The following GPR180 variants were observed in gnomAD, a reference collection of about 807,000 sequenced individuals.
The protein encoded by GPR180 is integral membrane protein GPR180.
A neutral mutation model predicts 52.6 loss-of-function variants in GPR180; 53 were observed. The observed-to-expected ratio is 1.01, with a 90% CI of 0.81 to 1.27. GPR180 has a LOEUF of 1.27. GPR180 is among the 50% of genes most tolerant of loss of function. The pLI is 0.00. For synonymous variants in GPR180, 200 were observed against 193.1 expected (o/e 1.04, Z -0.30); for missense variants, 533 against 527.0 (o/e 1.01, Z -0.11).
chr13:94,602,076 G>C lies in GPR180; in HGVS notation c.145+4G>C, dbSNP rs1050569987. 1 of 1,353,290 alleles carries C rather than the reference G, an allele frequency of 7.4e-7. No individual in the cohort carries two copies. The highest frequency in any genetic ancestry group is 3.2e-5 in the Admixed American group (1 of 31,176). 83.8% of individuals were successfully genotyped at this position (1,353,290 alleles called of 1,614,324 possible). A position where few individuals can be genotyped will look rare whatever the true frequency, so the allele number is the denominator to read the frequency against. ...ATCGGCCACTTCGAGTTCCATGGTA[G>C]GTCTGGGGGCGGGGAGGGGGATGAA... is the stretch of plus-strand genomic sequence containing the variant. On this transcript the variant is annotated splice_donor_region_variant and intron_variant, in intron 1 of 8. Coordinates refer to ENST00000376958, the MANE Select transcript of GPR180 (RefSeq NM_180989.6).
At chr13:94,616,838 CTT>C (rs1217612604) in intron 3 of GPR180, among the ~76,000 whole-genome samples, 4 of 151,898 alleles carry the variant, frequency 2.6e-5, no homozygotes, top group African/African-American at 4.8e-5. Flanking sequence ...AGAAAACAGA[CTT>C]TTTTAAAGAG....
At chr13:94,604,803 T>A (rs991909416) in intron 1 of GPR180, among the ~76,000 whole-genome samples, 8 of 151,996 alleles carry the variant, frequency 5.3e-5, no homozygotes, top group African/African-American at 1.9e-4. Context: ...TCTCAAACTC[T>A]TGGGCTGGGA....
intron 2 of GPR180, among the ~76,000 whole-genome samples, chr13:94,606,182 G>C (rs540439336): frequency 1.6e-4 from 24 of 152,296 alleles, no homozygotes; most frequent in African/African-American, 5.8e-4. Context: ...TGTAATCCCA[G>C]CTACTTGGCA....
At chr13:94,618,197 C>T (rs1308880569) in intron 3 of GPR180, among the ~76,000 whole-genome samples, 1 of 152,148 alleles carries the variant, frequency 6.6e-6, no homozygotes, top group Non-Finnish European at 1.5e-5. Flanking sequence ...TATCATGGCT[C>T]AGTTTGATTC....
In GPR180 at chr13:94,634,559, A is replaced by G. The variant is rs932309717; in HGVS notation, c.*7388A>G. The G allele has an allele frequency of 6.6e-6, 1 of 152,108 alleles. No individual in the cohort carries two copies. The highest frequency in any genetic ancestry group is 1.5e-5 in the Non-Finnish European group (1 of 68,024). 9.4% of individuals were successfully genotyped at this position (152,108 alleles called of 1,614,324 possible). A position where few individuals can be genotyped will look rare whatever the true frequency, so the allele number is the denominator to read the frequency against. On this transcript the variant is annotated 3_prime_UTR_variant, in exon 9 of 9. Coordinates refer to ENST00000376958, the MANE Select transcript of GPR180 (RefSeq NM_180989.6). Reference sequence around the variant, plus strand: ...GGCTTTTGTTTTCTGCATGAAAACTATTGATTTCTGCATTCTAATTTTGTT... The same window carrying G: ...GGCTTTTGTTTTCTGCATGAAAACTGTTGATTTCTGCATTCTAATTTTGTT...
At chr13:94,614,693 T>A (rs1350698265) in intron 3 of GPR180, among the ~76,000 whole-genome samples, 3 of 152,216 alleles carry the variant, frequency 2.0e-5, no homozygotes, top group African/African-American at 7.2e-5. Context: ...CTTTTCCTGA[T>A]TTTTGTGACT....
Position 94,602,080 on chromosome 13 carries a change from TG to T in GPR180, c.145+13del, listed in dbSNP as rs1452956437. ...GCCACTTCGAGTTCCATGGTAGGTCTGGGGGCGGGGAGGGGGATGAAGGCGC... is the reference window on the plus strand; with the variant it reads ...GCCACTTCGAGTTCCATGGTAGGTCTGGGGCGGGGAGGGGGATGAAGGCGC... On this transcript the variant is annotated intron_variant, in intron 1 of 8. Transcript: ENST00000376958. 1 of 1,345,698 alleles carries T rather than the reference TG, an allele frequency of 7.4e-7. No homozygotes were observed. The highest frequency in any genetic ancestry group is 9.6e-7 in the Non-Finnish European group (1 of 1,046,358). The allele number at this position is 1,345,698 out of a possible 1,614,324, so 83.4% of individuals were successfully genotyped here.
At chr13:94,620,775 T>C (rs527486590) in intron 5 of GPR180, among the ~76,000 whole-genome samples, 1 of 152,062 alleles carries the variant, frequency 6.6e-6, no homozygotes, top group Admixed American at 6.5e-5. Flanking sequence ...CTAAGAAAAA[T>C]GGGAAACGAA....
intron 3 of GPR180, among the ~76,000 whole-genome samples, chr13:94,615,982 CAAG>C (rs1485460101): frequency 7.9e-5 from 12 of 152,274 alleles, no homozygotes; most frequent in African/African-American, 2.9e-4. Flanking sequence ...TCTTACATAA[CAAG>C]AAGTTTTGCG....
intron 2 of GPR180, among the ~76,000 whole-genome samples, chr13:94,606,658 C>G (rs900053778): frequency 6.6e-6 from 1 of 152,172 alleles, no homozygotes; most frequent in African/African-American, 2.4e-5. Context: ...TTCTCTTAGC[C>G]TATTCTAGTG....
chr13:94,619,201 G>T lies in GPR180; in HGVS notation c.557G>T (p.Cys186Phe). 1 of 1,613,976 alleles carries T rather than the reference G, an allele frequency of 6.2e-7. No homozygotes were observed. Among genetic ancestry groups the T allele is most frequent in the Non-Finnish European group, 8.5e-7 (1 of 1,179,936 alleles). Residue 186 changes from cysteine to phenylalanine, a missense_variant, in exon 4 of 9, where the codon TGC becomes TTC. Cys to Phe is a radical substitution (Grantham distance 205). Coordinates refer to ENST00000376958, the MANE Select transcript of GPR180 (RefSeq NM_180989.6). ...LLVLVYFVIA[C>F]IYAQSLWQAI... The stretch of plus-strand genomic sequence containing the variant: ...GTCCTAGTGTACTTTGTGATTGCTT[G>T]CATTTATGCTCAATCATTGTGGCAG...
Position 94,632,235 on chromosome 13 carries a change from G to A in GPR180, c.*5064G>A, listed in dbSNP as rs1890008186. On this transcript the variant is annotated 3_prime_UTR_variant, in exon 9 of 9. Transcript: ENST00000376958. ...TCTAATGTTTTCTTCTTGTTAAACA[G>A]GTAATATATGCACATTGTACAAAAA... 1 of 152,148 alleles carries A rather than the reference G, an allele frequency of 6.6e-6. No individual in the cohort carries two copies. The highest frequency in any genetic ancestry group is 1.5e-5 in the Non-Finnish European group (1 of 68,036). The allele number at this position is 152,148 out of a possible 1,614,324, so 9.4% of individuals were successfully genotyped here.
chr13:94,612,136 A>T, intron 2 of GPR180, 54 bp from the exon 3 acceptor site: 2 of 1,372,196 alleles, frequency 1.5e-6, no homozygotes, highest in Non-Finnish European at 2.1e-6. Flanking sequence ...TGACTAAAAC[A>T]GTGAAACACA....
intron 1 of GPR180, among the ~76,000 whole-genome samples, chr13:94,604,792 G>T (rs1437831575): frequency 6.6e-6 from 1 of 151,590 alleles, no homozygotes; most frequent in South Asian, 2.1e-4. Flanking sequence ...TCCCAGGCTG[G>T]TCTCAAACTC....
At chr13:94,620,985 C>CT in intron 5 of GPR180, 93 bp from the exon 6 acceptor site, 2 of 1,149,176 alleles carry the variant, frequency 1.7e-6, no homozygotes, top group Non-Finnish European at 2.4e-6. Context: ...TGTGGTTTTT[C>CT]TTAAAAAAAA....
chr13:94,615,148 T>C (rs544508715), intron 3 of GPR180, among the ~76,000 whole-genome samples: 4 of 152,348 alleles, frequency 2.6e-5, no homozygotes, highest in Admixed American at 6.5e-5. Context: ...TTGATTCTTA[T>C]GTACAGAACC....
At chr13:94,615,006 A>G (rs1214982893) in intron 3 of GPR180, among the ~76,000 whole-genome samples, 1 of 152,248 alleles carries the variant, frequency 6.6e-6, no homozygotes, top group Non-Finnish European at 1.5e-5. Context: ...TGAAGTATCA[A>G]TGAGTGGTTC....
intron 6 of GPR180, among the ~76,000 whole-genome samples, chr13:94,621,646 C>G (rs1488669036): frequency 6.6e-6 from 1 of 152,078 alleles, no homozygotes; most frequent in Non-Finnish European, 1.5e-5. Context: ...TGTCAAGAAT[C>G]TTTAGGATTG....
At chr13:94,626,451 T>C (rs568559790) in intron 8 of GPR180, among the ~76,000 whole-genome samples, 13 of 152,194 alleles carry the variant, frequency 8.5e-5, no homozygotes, top group Non-Finnish European at 1.8e-4. Context: ...TTTGATTGTG[T>C]TGATACCTAC....
Sources: gnomAD v4.1 joint callset for allele counts (sites outside exome capture counted in the v4.1 genomes callset) on GRCh38, gnomAD v4.1.1 for gene constraint, MANE v1.5 for transcripts, NCBI Gene and HGNC (gene_info 2026-07-23, HGNC 2026-07-21) for gene names.